The following RBMS3 variants were observed in gnomAD, a reference collection of about 807,000 sequenced individuals.
RBMS3 encodes RNA binding motif single stranded interacting protein 3.
Under a neutral mutation model 66.8 loss-of-function variants are expected in RBMS3, and 27 were observed. The observed-to-expected ratio is 0.40, with a 90% CI of 0.30 to 0.56. The LOEUF (loss-of-function observed/expected upper bound fraction) is 0.56. Among genes scored for constraint, RBMS3 ranks in the 20% least tolerant of loss-of-function variants. The pLI, the probability that RBMS3 is intolerant of heterozygous loss-of-function variation, is 0.40. For missense variants in RBMS3, 513 were observed against 549.5 expected (o/e 0.93, Z 0.66); for synonymous variants, 188 against 183.0 (o/e 1.03, Z -0.22).
At chr3:29,850,055 A>G (rs1451836562) in intron 6 of RBMS3, among the ~76,000 whole-genome samples, 1 of 152,238 alleles carries the variant, frequency 6.6e-6, no homozygotes, top group African/African-American at 2.4e-5. Context: ...ACTGGGACAG[A>G]CTGGCAACCT....
rs1222102515 is a variant in RBMS3 at position 29,524,415 on chromosome 3, A to ATTTTTTTTTT, written c.307+35936_307+35945dup. On this transcript the variant is annotated intron_variant, in intron 3 of 14. Coordinates refer to ENST00000383767, the MANE Select transcript of RBMS3 (RefSeq NM_001003793.3). ...GGAAGATATGAGTGACTCCCTTTAC[A>ATTTTTTTTTT]TTTTTTTTTTTTTTTTTTTTTTTTT... Among the ~76,000 whole-genome samples the ATTTTTTTTTT allele has an allele frequency of 5.0e-3, 284 of 57,114 alleles. 26 individuals are homozygous for ATTTTTTTTTT. Among genetic ancestry groups the ATTTTTTTTTT allele is most frequent in the East Asian group, 0.023 (36 of 1,588 alleles). 37.5% of individuals were successfully genotyped at this position (57,114 alleles called of 152,430 possible).
intron 7 of RBMS3, among the ~76,000 whole-genome samples, chr3:29,878,323 G>A (rs534947584): frequency 6.6e-6 from 1 of 152,034 alleles, no homozygotes; most frequent in Non-Finnish European, 1.5e-5. Context: ...GATCATTGAT[G>A]ATTTTTATTG....
At chr3:29,832,605 A>G (rs944641561) in intron 6 of RBMS3, among the ~76,000 whole-genome samples, 2 of 152,210 alleles carry the variant, frequency 1.3e-5, no homozygotes, top group Non-Finnish European at 2.9e-5. Flanking sequence ...AAAACAAGCA[A>G]GTAGTTAGTA....
chr3:29,571,912 C>G (rs1474861303), intron 3 of RBMS3, among the ~76,000 whole-genome samples: 1 of 151,902 alleles, frequency 6.6e-6, no homozygotes, highest in Non-Finnish European at 1.5e-5. Flanking sequence ...AATCCACAAA[C>G]ATGGAATATT....
chr3:29,724,919 T>G (rs7650350), intron 4 of RBMS3, among the ~76,000 whole-genome samples: 24,039 of 152,172 alleles, frequency 0.16, 2,002 homozygotes, highest in Middle Eastern at 0.26. Context: ...GCAGAGATCA[T>G]GTCCTATTAC....
chr3:29,929,415 G>T (rs959456491), intron 10 of RBMS3, among the ~76,000 whole-genome samples: 3 of 152,006 alleles, frequency 2.0e-5, no homozygotes, highest in Non-Finnish European at 2.9e-5. Context: ...ACTTCAATAT[G>T]ACATATTTAC....
chr3:29,740,681 C>T (rs894162329), intron 5 of RBMS3, among the ~76,000 whole-genome samples: 7 of 152,114 alleles, frequency 4.6e-5, no homozygotes, highest in African/African-American at 1.4e-4. Flanking sequence ...GTGTCTCCAG[C>T]TGATTTATCA....
chr3:29,352,938 A>C (rs928796862), intron 1 of RBMS3, among the ~76,000 whole-genome samples: 11 of 143,400 alleles, frequency 7.7e-5, no homozygotes, highest in Non-Finnish European at 4.6e-5. Context: ...TTTTTTTTTT[A>C]TGGCTGTACA....
chr3:29,811,107 A>G (rs1009801913), intron 6 of RBMS3, among the ~76,000 whole-genome samples: 1 of 152,164 alleles, frequency 6.6e-6, no homozygotes, highest in African/African-American at 2.4e-5. Flanking sequence ...GTGTTGGGGT[A>G]AAAAAGAAGG....
chr3:29,679,768 GTATATA>G (rs34934611), intron 4 of RBMS3, among the ~76,000 whole-genome samples: 1 of 145,380 alleles, frequency 6.9e-6, no homozygotes, highest in African/African-American at 2.6e-5. Context: ...CTACTTGACT[GTATATA>G]TATATATATA....
At chr3:29,339,826 C>T (rs115577681) in intron 1 of RBMS3, among the ~76,000 whole-genome samples, 200 of 152,136 alleles carry the variant, frequency 1.3e-3, no homozygotes, top group African/African-American at 4.5e-3. Context: ...TGAAAAGAGA[C>T]GAACTATTGC....
In RBMS3 at chr3:29,694,861, TAAAA is replaced by T. The variant is rs771474312; in HGVS notation, c.400-44852_400-44849del. 1.0e-2 allele frequency among the ~76,000 whole-genome samples: 1,468 copies of T among 147,230 alleles called. 13 individuals carry two copies. Among genetic ancestry groups the T allele is most frequent in the African/African-American group, 0.028 (1,116 of 40,544 alleles). Reference sequence around the variant, plus strand: ...AAAAAGCTGCATGCAAATTTTTTTTTAAAAAAAAAATACAAGGCAGATTGTTTTA... The same window carrying T: ...AAAAAGCTGCATGCAAATTTTTTTTTAAAAAATACAAGGCAGATTGTTTTA... On this transcript the variant is annotated intron_variant, in intron 4 of 14. Coordinates refer to ENST00000383767, the MANE Select transcript of RBMS3 (RefSeq NM_001003793.3).
At chr3:29,501,096 C>T (rs2043949640) in intron 3 of RBMS3, among the ~76,000 whole-genome samples, 1 of 152,058 alleles carries the variant, frequency 6.6e-6, no homozygotes, top group Non-Finnish European at 1.5e-5. Flanking sequence ...TGGTTGTCTG[C>T]TGTTGTGAGA....
intron 3 of RBMS3, among the ~76,000 whole-genome samples, chr3:29,547,942 G>T (rs2046028636): frequency 6.6e-6 from 1 of 151,112 alleles, no homozygotes; most frequent in Non-Finnish European, 1.5e-5. Flanking sequence ...TTACAGGCAT[G>T]CACCACCACC....
intron 3 of RBMS3, among the ~76,000 whole-genome samples, chr3:29,566,827 T>C (rs1033444574): frequency 2.0e-5 from 3 of 152,050 alleles, no homozygotes; most frequent in South Asian, 2.1e-4. Context: ...TTGATCGTTA[T>C]GGTGGTTATG....
At chr3:29,705,428 A>C (rs1470738916) in intron 4 of RBMS3, among the ~76,000 whole-genome samples, 1 of 152,156 alleles carries the variant, frequency 6.6e-6, no homozygotes, top group Non-Finnish European at 1.5e-5. Flanking sequence ...CTTTTCTTTG[A>C]AGCCAGGGGC....
intron 3 of RBMS3, among the ~76,000 whole-genome samples, chr3:29,581,964 A>C (rs1352608628): frequency 6.6e-6 from 1 of 152,228 alleles, no homozygotes; most frequent in Non-Finnish European, 1.5e-5. Flanking sequence ...AGGAGCCCAC[A>C]GCAACACAGA....
intron 1 of RBMS3, among the ~76,000 whole-genome samples, chr3:29,383,010 G>A (rs895775749): frequency 2.6e-5 from 4 of 152,116 alleles, no homozygotes; most frequent in African/African-American, 7.2e-5. Context: ...TGTTCAATGG[G>A]TCAGGTGTAA....
At chr3:29,424,413 G>A (rs910669397) in intron 1 of RBMS3, among the ~76,000 whole-genome samples, 8 of 152,210 alleles carry the variant, frequency 5.3e-5, no homozygotes, top group African/African-American at 1.9e-4. Flanking sequence ...AGGCGTTTCA[G>A]ATGCAGGGAA....
Sources: gnomAD v4.1 joint callset for allele counts (sites outside exome capture counted in the v4.1 genomes callset) on GRCh38, gnomAD v4.1.1 for gene constraint, MANE v1.5 for transcripts, NCBI Gene and HGNC (gene_info 2026-07-23, HGNC 2026-07-21) for gene names.